The following AGAP1 variants were observed in gnomAD, a reference collection of about 807,000 sequenced individuals.
AGAP1 encodes the protein arf-GAP with GTPase, ANK repeat and PH domain-containing protein 1.
Under a neutral mutation model 105.3 loss-of-function variants are expected in AGAP1, and 29 were observed. The observed-to-expected ratio is 0.28, with a 90% CI of 0.21 to 0.38. The LOEUF is 0.38. Ranked by LOEUF, AGAP1 falls within the 10% of genes least tolerant of loss-of-function variation. AGAP1 has a pLI of 1.00. For missense variants in AGAP1, 998 were observed against 1,165.1 expected (o/e 0.86, Z 2.09); for synonymous variants, 509 against 485.9 (o/e 1.05, Z -0.63).
In AGAP1 at chr2:235,701,296, C is replaced by CA. The variant is rs1279162143; in HGVS notation, c.164-7882dup. ...TCCTTAGAGGAGAAGAGAGAGGACC[C>CA]AGTCAAATGCTGACGTTGTTGTGAC... On this transcript the variant is annotated intron_variant, in intron 1 of 17. Transcript: ENST00000304032. The surrounding 1 kb of genome is among the most constrained non-coding windows in gnomAD (Gnocchi z 4.1). Among the ~76,000 whole-genome samples the CA allele has an allele frequency of 6.6e-6, 1 of 152,044 alleles. No individual in the cohort carries two copies. Among genetic ancestry groups the CA allele is most frequent in the East Asian group, 1.9e-4 (1 of 5,200 alleles).
rs1372714310 is a variant in AGAP1 at position 235,761,166 on chromosome 2, G to GA, written c.673+10679dup. Among the ~76,000 whole-genome samples the GA allele has an allele frequency of 4.6e-5, 7 of 152,292 alleles. No individual in the cohort carries two copies. The East Asian group carries it at 9.6e-4, about 21-fold the overall frequency. On this transcript the variant is annotated intron_variant, in intron 6 of 17. Coordinates refer to ENST00000304032, the MANE Select transcript of AGAP1 (RefSeq NM_001037131.3). ...TTAAGGTTGATGCTGCAAACAACCA[G>GA]AGACAATAAATAAATTGTTATTTAG...
In AGAP1 at chr2:235,536,545, A is replaced by G. The variant is rs114490745; in HGVS notation, c.163+41696A>G. Among the ~76,000 whole-genome samples, 694 of 144,250 alleles carry G rather than the reference A, an allele frequency of 4.8e-3. 13 individuals carry two copies. The highest frequency in any genetic ancestry group is 0.017 in the African/African-American group (658 of 38,046). The allele number at this position is 144,250 out of a possible 152,430, so 94.6% of individuals were successfully genotyped here. ...TGGCATCCTACACACATACACATAC[A>G]GCAGGACCCCCGGGTTTGTGTGTGG... is the stretch of plus-strand genomic sequence containing the variant. On this transcript the variant is annotated intron_variant, in intron 1 of 17. Transcript: ENST00000304032.
At chr2:236,037,495 A>G (rs112499266) in intron 14 of AGAP1, among the ~76,000 whole-genome samples, 3,249 of 152,212 alleles carry the variant, frequency 0.021, 116 homozygotes, top group African/African-American at 0.074. Flanking sequence ...AGCTCAAGCA[A>G]TCCTCCCACC....
At position 235,864,266 on chromosome 2, in the gene AGAP1, G is replaced by A. The variant is rs1304754692; in HGVS notation, c.1051-19079G>A. Among the ~76,000 whole-genome samples, 2 of 152,200 alleles carry A rather than the reference G, an allele frequency of 1.3e-5. No homozygotes were observed. The highest frequency in any genetic ancestry group is 3.9e-4 in the East Asian group (2 of 5,186). On this transcript the variant is annotated intron_variant, in intron 9 of 17. Transcript: ENST00000304032. This position sits in a 1 kb window ranked among gnomAD's most constrained non-coding sequence, Gnocchi z 5.0. ...GCCACTGTGTAGTCCCGTGAACTCT[G>A]CATTTTCGCAGAATGCCCCCATCAT...
chr2:235,991,944 C>T (rs1041177981), intron 13 of AGAP1, among the ~76,000 whole-genome samples: 4 of 152,270 alleles, frequency 2.6e-5, no homozygotes, highest in Admixed American at 6.5e-5. Flanking sequence ...TGCAAAAAAA[C>T]GCTTAGAATC....
chr2:236,015,695 C>T (rs2056674699), intron 13 of AGAP1, among the ~76,000 whole-genome samples: 1 of 152,122 alleles, frequency 6.6e-6, no homozygotes, highest in Non-Finnish European at 1.5e-5. Flanking sequence ...CACAATCCAG[C>T]GATCTTGGTA....
chr2:236,043,680 C>T (rs1015708808), intron 15 of AGAP1, among the ~76,000 whole-genome samples: 1 of 149,518 alleles, frequency 6.7e-6, no homozygotes, highest in Non-Finnish European at 1.5e-5. Context: ...AAGATCACGT[C>T]ATTGCACTCC....
In AGAP1 at chr2:236,044,210, C is replaced by G. The variant is rs991375866; in HGVS notation, c.1891+3369C>G. On this transcript the variant is annotated intron_variant, in intron 15 of 17. Coordinates refer to ENST00000304032, the MANE Select transcript of AGAP1 (RefSeq NM_001037131.3). This position sits in a 1 kb window ranked among gnomAD's most constrained non-coding sequence, Gnocchi z 5.7. The stretch of plus-strand genomic sequence containing the variant: ...TCCGGGGAGTACTGCTCTGAAGCTA[C>G]CTGTTCAGCATGGCCCAACCCAGCA... Among the ~76,000 whole-genome samples, 3 of 152,182 alleles carry G rather than the reference C, an allele frequency of 2.0e-5. No homozygotes were observed. Among genetic ancestry groups the G allele is most frequent in the Non-Finnish European group, 4.4e-5 (3 of 68,038 alleles).
At chr2:235,595,853 C>CCTTGT (rs1945509701) in intron 1 of AGAP1, among the ~76,000 whole-genome samples, 1 of 152,178 alleles carries the variant, frequency 6.6e-6, no homozygotes, top group Admixed American at 6.5e-5. Flanking sequence ...CGTTTACTTG[C>CCTTGT]CTTGCTAAGA....
At position 236,050,212 on chromosome 2, in the gene AGAP1, G is replaced by A. The variant is rs187513727; in HGVS notation, c.2114+931G>A. Among the ~76,000 whole-genome samples the A allele has an allele frequency of 5.0e-4, 76 of 152,334 alleles. 1 individual carries two copies. Among genetic ancestry groups the A allele is most frequent in the Middle Eastern group, 3.4e-3 (1 of 294 alleles). On this transcript the variant is annotated intron_variant, in intron 16 of 17. Transcript: ENST00000304032. The surrounding 1 kb of genome is among the most constrained non-coding windows in gnomAD (Gnocchi z 4.0). ...AATCTGTGGTTACGCCACAGAAACC[G>A]GTTTCTACTGCAGAGCAGTAAGAAC...
At chr2:235,698,272 G>A (rs1467314118) in intron 1 of AGAP1, among the ~76,000 whole-genome samples, 1 of 76,376 alleles carries the variant, frequency 1.3e-5, no homozygotes. Flanking sequence ...ATGAAGCTTC[G>A]CTTTGCTTGC....
In AGAP1 at chr2:235,621,266, C is replaced by T. The variant is rs1448565409; in HGVS notation, c.164-87913C>T. Among the ~76,000 whole-genome samples, 7 of 152,154 alleles carry T rather than the reference C, an allele frequency of 4.6e-5. No individual in the cohort carries two copies. On this transcript the variant is annotated intron_variant, in intron 1 of 17. Transcript: ENST00000304032. This position sits in a 1 kb window ranked among gnomAD's most constrained non-coding sequence, Gnocchi z 4.1. ...TGAACTCCTGACCTCTGGTGATCCGCCCACCTCGGCCTCCCAAAGTGCTAG... is the reference window on the plus strand; with the variant it reads ...TGAACTCCTGACCTCTGGTGATCCGTCCACCTCGGCCTCCCAAAGTGCTAG...
chr2:236,043,085 G>T (rs78456552), intron 15 of AGAP1, among the ~76,000 whole-genome samples: 2 of 152,224 alleles, frequency 1.3e-5, no homozygotes, highest in Non-Finnish European at 2.9e-5. Context: ...GAAAGGCTCA[G>T]AAGATGTAGC....
intron 1 of AGAP1, among the ~76,000 whole-genome samples, chr2:235,519,542 T>C (rs1157018463): frequency 1.3e-5 from 2 of 152,194 alleles, no homozygotes; most frequent in East Asian, 3.8e-4. Context: ...TATATACTGA[T>C]ATAACACATA....
At position 235,622,323 on chromosome 2, in the gene AGAP1, T is replaced by C. The variant is rs1271266622; in HGVS notation, c.164-86856T>C. On this transcript the variant is annotated intron_variant, in intron 1 of 17. Coordinates refer to ENST00000304032, the MANE Select transcript of AGAP1 (RefSeq NM_001037131.3). The surrounding 1 kb of genome is among the most constrained non-coding windows in gnomAD (Gnocchi z 5.0). ...AATAGACTGTCAGCAGGTCCTGAGA[T>C]GTGACTCTGGACAGCCAGTGGTCTG... Among the ~76,000 whole-genome samples the C allele has an allele frequency of 1.3e-5, 2 of 152,190 alleles. No homozygotes were observed. Among genetic ancestry groups the C allele is most frequent in the Non-Finnish European group, 2.9e-5 (2 of 68,034 alleles).
chr2:236,122,779 T>C (rs923227132), intron 17 of AGAP1, among the ~76,000 whole-genome samples: 9 of 139,714 alleles, frequency 6.4e-5, no homozygotes, highest in Non-Finnish European at 1.4e-4. Context: ...GCCTCCCGGG[T>C]TCAAGCAATT....
In AGAP1 at chr2:235,967,704, C is replaced by G. The variant is rs1265816339; in HGVS notation, c.1484-758C>G. On this transcript the variant is annotated intron_variant, in intron 12 of 17. Coordinates refer to ENST00000304032, the MANE Select transcript of AGAP1 (RefSeq NM_001037131.3). The surrounding 1 kb of genome is among the most constrained non-coding windows in gnomAD (Gnocchi z 4.7). The stretch of plus-strand genomic sequence containing the variant: ...CTGCACGTTTTCAGTGGGCTTTTTT[C>G]CACCCGGCTTGAATTATATGCGCGT... Among the ~76,000 whole-genome samples, 1 of 152,194 alleles carries G rather than the reference C, an allele frequency of 6.6e-6. No individual in the cohort carries two copies. The highest frequency in any genetic ancestry group is 1.9e-4 in the East Asian group (1 of 5,202).
intron 1 of AGAP1, among the ~76,000 whole-genome samples, chr2:235,598,138 G>A (rs1167500917): frequency 6.6e-6 from 1 of 152,072 alleles, no homozygotes; most frequent in Non-Finnish European, 1.5e-5. Flanking sequence ...TGGGTCTTCC[G>A]GTTTCCGTCG....
intron 1 of AGAP1, among the ~76,000 whole-genome samples, chr2:235,680,875 C>G (rs910325565): frequency 6.6e-6 from 1 of 152,128 alleles, no homozygotes; most frequent in East Asian, 1.9e-4. Flanking sequence ...CCTCTGAACA[C>G]CTGAGCTGAC....
Sources: allele counts gnomAD v4.1 joint callset (sites outside exome capture counted in the v4.1 genomes callset), GRCh38; gene constraint gnomAD v4.1.1; non-coding constraint Gnocchi (gnomAD v3.1); transcripts MANE v1.5; gene names NCBI Gene and HGNC (gene_info 2026-07-23, HGNC 2026-07-21).